UQCRFS1: variants seen among roughly 807,000 people sequenced by gnomAD.
The protein encoded by UQCRFS1 is cytochrome b-c1 complex subunit Rieske, mitochondrial.
A neutral mutation model predicts 15.6 loss-of-function variants in UQCRFS1; 6 were observed. The ratio of observed to expected loss-of-function variants is 0.38; its 90% CI spans 0.21 to 0.76. The LOEUF is 0.76. Among genes scored for constraint, UQCRFS1 ranks in the 30% least tolerant of loss-of-function variants. The probability of loss-of-function intolerance (pLI) is 0.44; values close to 1 mark genes in which losing one functional copy is unlikely to be tolerated. For synonymous variants in UQCRFS1, 105 were observed against 154.3 expected, an observed-to-expected ratio of 0.68 and a Z score of 2.37; for missense variants, 203 against 366.7, an observed-to-expected ratio of 0.55 and a Z score of 3.65.
rs772292953 is a variant in UQCRFS1 at position 29,207,910 on chromosome 19, T to C, written c.463A>G (p.Lys155Glu). The C allele has an allele frequency of 1.2e-6, 2 of 1,613,880 alleles. No individual in the cohort carries two copies. The highest frequency in any genetic ancestry group is 2.7e-5 in the African/African-American group (2 of 74,926). ...DVLALAKIEI[K>E]LSDIPEGKNM... ...TTGCCTTCTGGAATATCGGATAACT[T>C]GATTTCGATTTTCGCCAGGGCCAAC... is the stretch of plus-strand genomic sequence containing the variant. Residue 155 changes from lysine to glutamate, a missense_variant, in exon 2 of 2, where the codon AAG (lysine) becomes GAG (glutamate). Physicochemically the swap from Lys to Glu is moderately conservative, Grantham distance 56. Coordinates refer to ENST00000304863, the MANE Select transcript of UQCRFS1 (RefSeq NM_006003.3).
rs1202934732 is a variant in UQCRFS1 at position 29,207,065 on chromosome 19, A to C, written c.*483T>G. On this transcript the variant is annotated 3_prime_UTR_variant, in exon 2 of 2. Transcript: ENST00000304863. ...TCACACGGCTTACACAGTAGGGAGG[A>C]AATGCATAGCCAGGACTCTTACCAA... 2 of 156,648 alleles carry C rather than the reference A, an allele frequency of 1.3e-5. No homozygotes were observed. The highest frequency in any genetic ancestry group is 4.8e-5 in the African/African-American group (2 of 41,466). The allele number at this position is 156,648 out of a possible 1,614,324, so 9.7% of individuals were successfully genotyped here. A position where few individuals can be genotyped will look rare whatever the true frequency, so the allele number is the denominator to read the frequency against.
Position 29,205,600 on chromosome 19 carries a change from T to C in UQCRFS1, c.*1948A>G, listed in dbSNP as rs144029559. 25 of 152,356 alleles carry C rather than the reference T, an allele frequency of 1.6e-4. No homozygotes were observed. The highest frequency in any genetic ancestry group is 5.8e-4 in the African/African-American group (24 of 41,594). The allele number at this position is 152,356 out of a possible 1,614,324, so 9.4% of individuals were successfully genotyped here. On this transcript the variant is annotated 3_prime_UTR_variant, in exon 2 of 2. Transcript: ENST00000304863. The stretch of plus-strand genomic sequence containing the variant: ...TAATGAAAACACTTGGCTCTCAAGA[T>C]TGTCCCAAGAATTATCCCCAATAAA...
chr19:29,209,029 T>C (rs1409483412), intron 1 of UQCRFS1, among the ~76,000 whole-genome samples: 1 of 152,166 alleles, frequency 6.6e-6, no homozygotes, highest in Non-Finnish European at 1.5e-5. Context: ...GTCTAGGCCA[T>C]AAAAGAGCTC....
intron 1 of UQCRFS1, among the ~76,000 whole-genome samples, chr19:29,212,467 G>A (rs926941162): frequency 6.6e-6 from 1 of 151,880 alleles, no homozygotes; most frequent in African/African-American, 2.4e-5. Flanking sequence ...CCAAATATTA[G>A]TAAGTTTCCA....
intron 1 of UQCRFS1, among the ~76,000 whole-genome samples, chr19:29,209,359 GC>G (rs1976622493): frequency 6.6e-6 from 1 of 152,148 alleles, no homozygotes; most frequent in South Asian, 2.1e-4. Context: ...GTAATAAACT[GC>G]AATTCTACCT....
intron 1 of UQCRFS1, among the ~76,000 whole-genome samples, chr19:29,212,116 G>A (rs1022467649): frequency 2.6e-5 from 4 of 152,180 alleles, no homozygotes; most frequent in African/African-American, 9.7e-5. Context: ...ACAGGGCCAA[G>A]TAAAGATGGA....
Position 29,211,753 on chromosome 19 carries a change from T to C in UQCRFS1, c.214+1152A>G, listed in dbSNP as rs544567158. ...ATGTAGCAACTTAGTGGAAGGACCA[T>C]GAAGAAAGTGCAGAGCCCAGGGTGA... is the stretch of plus-strand genomic sequence containing the variant. On this transcript the variant is annotated intron_variant, in intron 1 of 1. Transcript: ENST00000304863. Among the ~76,000 whole-genome samples, 124 of 152,132 alleles carry C rather than the reference T, an allele frequency of 8.2e-4. 1 individual carries two copies. Among genetic ancestry groups the C allele is most frequent in the Admixed American group, 4.2e-3 (64 of 15,288 alleles).
At chr19:29,209,102 T>C (rs1976620043) in intron 1 of UQCRFS1, among the ~76,000 whole-genome samples, 1 of 147,414 alleles carries the variant, frequency 6.8e-6, no homozygotes, top group Non-Finnish European at 1.5e-5. Flanking sequence ...TCTTTGGTAG[T>C]TTAAAAAACA....
chr19:29,212,375 G>GT (rs560671922), intron 1 of UQCRFS1, among the ~76,000 whole-genome samples: 5,268 of 101,744 alleles, frequency 0.052, 133 homozygotes, highest in Non-Finnish European at 0.08. Context: ...CCTTGTGTAT[G>GT]TTTTTTTTGT....
rs531947439 is a variant in UQCRFS1 at position 29,212,940 on chromosome 19, A to G, written c.179T>C (p.Val60Ala). 7.1e-7 allele frequency: 1 copy of G among 1,406,262 alleles called. No individual in the cohort carries two copies. The highest frequency in any genetic ancestry group is 9.1e-7 in the Non-Finnish European group (1 of 1,093,766). 87.1% of individuals were successfully genotyped at this position (1,406,262 alleles called of 1,614,324 possible). ...LSRESLSGQAVRRPLVASVGL... is the reference protein window; with the variant it reads ...LSRESLSGQAARRPLVASVGL... Reference sequence around the variant, plus strand: ...CACGGAGGCGACCAAAGGCCGGCGCACGGCCTGGCCGCTCAGCGACTCCCG... The same window carrying G: ...CACGGAGGCGACCAAAGGCCGGCGCGCGGCCTGGCCGCTCAGCGACTCCCG... The change falls in exon 1 of 2, where the codon GTG (valine) becomes GCG (alanine). Residue 60 changes from valine to alanine, a missense_variant. Coordinates refer to ENST00000304863, the MANE Select transcript of UQCRFS1 (RefSeq NM_006003.3).
At chr19:29,212,216 T>C (rs886242013) in intron 1 of UQCRFS1, among the ~76,000 whole-genome samples, 3 of 152,098 alleles carry the variant, frequency 2.0e-5, no homozygotes, top group Non-Finnish European at 4.4e-5. Flanking sequence ...CAATTCGTCT[T>C]GTCAAATCCC....
intron 1 of UQCRFS1, among the ~76,000 whole-genome samples, chr19:29,211,759 A>C (rs1223961738): frequency 6.6e-6 from 1 of 152,228 alleles, no homozygotes; most frequent in East Asian, 1.9e-4. Context: ...ACCATGAAGA[A>C]AGTGCAGAGC....
Position 29,206,176 on chromosome 19 carries a change from TAG to T in UQCRFS1, c.*1370_*1371del, listed in dbSNP as rs1485791949. ...CAATCCGAAGAGTGCCTCCACTATCTAGAGACACAGAATATAAAATACTTCTG... is the reference window on the plus strand; with the variant it reads ...CAATCCGAAGAGTGCCTCCACTATCTAGACACAGAATATAAAATACTTCTG... On this transcript the variant is annotated 3_prime_UTR_variant, in exon 2 of 2. Coordinates refer to ENST00000304863, the MANE Select transcript of UQCRFS1 (RefSeq NM_006003.3). 2 of 151,676 alleles carry T rather than the reference TAG, an allele frequency of 1.3e-5. No homozygotes were observed. The highest frequency in any genetic ancestry group is 4.8e-5 in the African/African-American group (2 of 41,370). 9.4% of individuals were successfully genotyped at this position (151,676 alleles called of 1,614,324 possible). A position where few individuals can be genotyped will look rare whatever the true frequency, so the allele number is the denominator to read the frequency against.
At position 29,207,542 on chromosome 19, in the gene UQCRFS1, A is replaced by G; in HGVS notation, c.*6T>C. The G allele has an allele frequency of 6.3e-7, 1 of 1,593,438 alleles. No homozygotes were observed. Among genetic ancestry groups the G allele is most frequent in the African/African-American group, 1.3e-5 (1 of 74,622 alleles). On this transcript the variant is annotated 3_prime_UTR_variant, in exon 2 of 2. Coordinates refer to ENST00000304863, the MANE Select transcript of UQCRFS1 (RefSeq NM_006003.3). ...GAAAGAAGCCTATGACTTGAGTCCA[A>G]GTCTCTTAACCAACAATCACCATAT...
In UQCRFS1 at chr19:29,205,557, A is replaced by G. The variant is rs903684700; in HGVS notation, c.*1991T>C. 1 of 152,214 alleles carries G rather than the reference A, an allele frequency of 6.6e-6. No homozygotes were observed. The highest frequency in any genetic ancestry group is 2.1e-4 in the South Asian group (1 of 4,832). 9.4% of individuals were successfully genotyped at this position (152,214 alleles called of 1,614,324 possible). On this transcript the variant is annotated 3_prime_UTR_variant, in exon 2 of 2. Transcript: ENST00000304863. ...CAACATTTTCAAAAAGGCCATTTTTATAACACTTTTTAAAGCATAATGAAA... is the reference window on the plus strand; with the variant it reads ...CAACATTTTCAAAAAGGCCATTTTTGTAACACTTTTTAAAGCATAATGAAA...
rs764576836 is a variant in UQCRFS1, at chr19:29,207,965, G to C, written c.408C>G (p.Phe136Leu). ...CAGCAGAAGCACTCATGCTGGAAAC[G>C]AACTGGGTGACGGCATTCTTGGCAG... ...AYAAKNAVTQFVSSMSASADV... is the reference protein window; with the variant it reads ...AYAAKNAVTQLVSSMSASADV... The change falls in exon 2 of 2, where the codon TTC (phenylalanine) becomes TTG (leucine). Residue 136 changes from phenylalanine to leucine, a missense_variant. Around this residue, in one of 3 missense-constraint regions of UQCRFS1, gnomAD observed 91 missense variants for 186.9 expected, o/e 0.49. Coordinates refer to ENST00000304863, the MANE Select transcript of UQCRFS1 (RefSeq NM_006003.3). The C allele has an allele frequency of 6.2e-7, 1 of 1,613,846 alleles. No homozygotes were observed. The highest frequency in any genetic ancestry group is 1.3e-5 in the African/African-American group (1 of 74,938).
chr19:29,212,379 T>C (rs79442572), intron 1 of UQCRFS1, among the ~76,000 whole-genome samples: 3 of 103,192 alleles, frequency 2.9e-5, no homozygotes, highest in Admixed American at 1.0e-4. Flanking sequence ...GTGTATGTTT[T>C]TTTTGTTTTT....
In UQCRFS1 at chr19:29,207,216, G is replaced by A. The variant is rs1158139464; in HGVS notation, c.*332C>T. On this transcript the variant is annotated 3_prime_UTR_variant, in exon 2 of 2. Transcript: ENST00000304863. ...GAATCTGCGTCCCTGACGCAAAGCA[G>A]GAAGCAAATATTTGGGCAAGAAAAT... 1 of 204,946 alleles carries A rather than the reference G, an allele frequency of 4.9e-6. No individual in the cohort carries two copies. Among genetic ancestry groups the A allele is most frequent in the Non-Finnish European group, 9.8e-6 (1 of 102,176 alleles). The allele number at this position is 204,946 out of a possible 1,614,324, so 12.7% of individuals were successfully genotyped here.
In UQCRFS1 at chr19:29,207,976, C is replaced by A. The variant is rs377626806; in HGVS notation, c.397G>T (p.Val133Phe). 3 of 1,613,882 alleles carry A rather than the reference C, an allele frequency of 1.9e-6. No homozygotes were observed. In the African/African-American group the frequency reaches 4.0e-5, roughly 22 times the overall value. ...VGVAYAAKNA[V>F]TQFVSSMSAS... ...CTCATGCTGGAAACGAACTGGGTGA[C>A]GGCATTCTTGGCAGCATATGCGACA... The change falls in exon 2 of 2, where the codon GTC becomes TTC. Residue 133 changes from valine (V) to phenylalanine (F), a missense_variant. Val to Phe is a conservative substitution (Grantham distance 50). Coordinates refer to ENST00000304863, the MANE Select transcript of UQCRFS1 (RefSeq NM_006003.3).
Sources: gnomAD v4.1 joint callset for allele counts (sites outside exome capture counted in the v4.1 genomes callset) on GRCh38, gnomAD v4.1.1 for gene constraint, gnomAD v4.1.1 regional missense constraint, MANE v1.5 for transcripts, NCBI Gene and HGNC (gene_info 2026-07-23, HGNC 2026-07-21) for gene names.